The following PTGER3 variants were observed in gnomAD, a reference collection of about 807,000 sequenced individuals.
PTGER3 encodes the protein prostaglandin E receptor 3, also known as prostaglandin E2 receptor EP3 subtype.
A neutral mutation model predicts 34.7 loss-of-function variants in PTGER3; 22 were observed. That is an observed-to-expected ratio of 0.63 (90% CI 0.45 to 0.91). The LOEUF (loss-of-function observed/expected upper bound fraction) is 0.91. Among genes scored for constraint, PTGER3 ranks in the 40% least tolerant of loss-of-function variants. The pLI is 0.00. For missense variants in PTGER3, 468 were observed against 519.4 expected, an observed-to-expected ratio of 0.90 and a Z score of 0.96; for synonymous variants, 241 against 230.1, an observed-to-expected ratio of 1.05 and a Z score of -0.43.
intron 2 of PTGER3, among the ~76,000 whole-genome samples, chr1:70,974,725 G>A (rs1178918701): frequency 4.6e-5 from 7 of 152,120 alleles, no homozygotes; most frequent in Admixed American, 1.3e-4. Context: ...ATTATTTTTC[G>A]TGATTTCCCA....
chr1:70,855,029 T>C (rs1645769193), intron 4 of PTGER3, among the ~76,000 whole-genome samples: 2 of 152,198 alleles, frequency 1.3e-5, no homozygotes, highest in Non-Finnish European at 2.9e-5. Context: ...ATATCCATGT[T>C]CATTACAGCA....
At position 71,005,375 on chromosome 1, in the gene PTGER3, G is replaced by A. The variant is rs145159819; in HGVS notation, c.1077+6930C>T. Among the ~76,000 whole-genome samples, 27 of 152,304 alleles carry A rather than the reference G, an allele frequency of 1.8e-4. No individual in the cohort carries two copies. In the East Asian group the frequency reaches 4.8e-3, roughly 27 times the overall value. On this transcript the variant is annotated intron_variant, in intron 2 of 3. Transcript: ENST00000306666. ...GTGAAGTGAAAAAATATCCTACAAT[G>A]TCCTTCCTTTACAGGTTAACACCTA...
intron 4 of PTGER3, among the ~76,000 whole-genome samples, chr1:70,902,104 A>G (rs1321522484): frequency 6.6e-6 from 1 of 152,186 alleles, no homozygotes; most frequent in Non-Finnish European, 1.5e-5. Context: ...ACCTTCCTTA[A>G]AAAAGGAAGA....
chr1:70,949,895 T>G (rs371447329), downstream of PTGER3, among the ~76,000 whole-genome samples: 3 of 152,116 alleles, frequency 2.0e-5, no homozygotes, highest in African/African-American at 4.8e-5. Flanking sequence ...GATTAGACAC[T>G]GGGAATATGG....
At chr1:70,874,139 T>C (rs1557620767) in intron 4 of PTGER3, among the ~76,000 whole-genome samples, 1 of 152,196 alleles carries the variant, frequency 6.6e-6, no homozygotes, top group Non-Finnish European at 1.5e-5. Context: ...AGTATTTGTT[T>C]TTCTTCAATG....
intron 1 of PTGER3, among the ~76,000 whole-genome samples, chr1:71,046,430 A>G (rs1479091486): frequency 6.6e-6 from 1 of 152,170 alleles, no homozygotes; most frequent in Non-Finnish European, 1.5e-5. Flanking sequence ...CTAGAATGTG[A>G]GCAGCCCTGT....
At chr1:70,992,698 C>A (rs1655584727) in intron 2 of PTGER3, among the ~76,000 whole-genome samples, 1 of 152,164 alleles carries the variant, frequency 6.6e-6, no homozygotes, top group East Asian at 1.9e-4. Flanking sequence ...AACACTTGAG[C>A]AACCAAGGAC....
intron 4 of PTGER3, among the ~76,000 whole-genome samples, chr1:70,909,143 G>C (rs1647009939): frequency 6.6e-6 from 1 of 152,164 alleles, no homozygotes; most frequent in Non-Finnish European, 1.5e-5. Flanking sequence ...AAAATATTTA[G>C]AGCTACTATA....
intron 4 of PTGER3, among the ~76,000 whole-genome samples, chr1:70,880,507 T>C (rs957697437): frequency 6.6e-6 from 1 of 151,360 alleles, no homozygotes; most frequent in African/African-American, 2.4e-5. Flanking sequence ...CTGGCCAACA[T>C]GGTGAAACCC....
At chr1:71,036,075 T>C (rs1339434125) in intron 1 of PTGER3, among the ~76,000 whole-genome samples, 3 of 152,328 alleles carry the variant, frequency 2.0e-5, no homozygotes, top group South Asian at 2.1e-4. Flanking sequence ...ACAAATTACA[T>C]TGGAGCAGAA....
At chr1:70,894,181 C>T (rs1312393929) in intron 4 of PTGER3, among the ~76,000 whole-genome samples, 2 of 151,690 alleles carry the variant, frequency 1.3e-5, no homozygotes, top group African/African-American at 4.8e-5. Context: ...TGGTGGTGGG[C>T]ACCTGTAATC....
chr1:70,863,113 T>G (rs1445572818), intron 4 of PTGER3, among the ~76,000 whole-genome samples: 1 of 151,862 alleles, frequency 6.6e-6, no homozygotes, highest in African/African-American at 2.4e-5. Context: ...GGCCATAACA[T>G]GAGCTACAGT....
intron 4 of PTGER3, among the ~76,000 whole-genome samples, chr1:70,853,515 A>G (rs1038443339): frequency 6.6e-6 from 1 of 152,184 alleles, no homozygotes; most frequent in Non-Finnish European, 1.5e-5. Context: ...CAGAAAACAC[A>G]TTTTTGAGAA....
At chr1:70,865,422 G>A (rs1423238812) in intron 4 of PTGER3, among the ~76,000 whole-genome samples, 1 of 152,152 alleles carries the variant, frequency 6.6e-6, no homozygotes, top group East Asian at 1.9e-4. Context: ...AAGAGATTAT[G>A]AGGGACCCCT....
At chr1:70,953,159 T>TAGTGA in intron 3 of PTGER3, 1 of 1,028,102 alleles carries the variant, frequency 9.7e-7, no homozygotes, top group Non-Finnish European at 1.3e-6. Flanking sequence ...ATAATCACTA[T>TAGTGA]TTATACAACA....
At position 70,942,435 on chromosome 1, in the gene PTGER3, T is replaced by C. The variant is rs531086109; in HGVS notation, c.*23+11328A>G. On this transcript the variant is annotated intron_variant, in intron 4 of 4. Coordinates refer to the PTGER3 transcript ENST00000370931. ...ATCCTTAATTACCTTTCCAACTTCA[T>C]GTTTTACCAATTTTCAATTCCTCAT... is the stretch of plus-strand genomic sequence containing the variant. Among the ~76,000 whole-genome samples, 4 of 152,316 alleles carry C rather than the reference T, an allele frequency of 2.6e-5. No individual in the cohort carries two copies. The East Asian group carries it at 5.8e-4, about 22-fold the overall frequency.
At chr1:70,919,926 A>T (rs974013065) in intron 4 of PTGER3, among the ~76,000 whole-genome samples, 3 of 152,132 alleles carry the variant, frequency 2.0e-5, no homozygotes, top group Admixed American at 6.6e-5. Flanking sequence ...TAAACATCTT[A>T]CCAAAAGTAT....
At chr1:70,951,990 A>G (rs181705340), downstream of PTGER3, among the ~76,000 whole-genome samples, 1 of 152,262 alleles carries the variant, frequency 6.6e-6, no homozygotes, top group African/African-American at 2.4e-5. Context: ...GAGCTGTAGC[A>G]TGCAGGAGGT....
chr1:70,908,178 T>A (rs1646989242), intron 4 of PTGER3, among the ~76,000 whole-genome samples: 1 of 152,132 alleles, frequency 6.6e-6, no homozygotes, highest in African/African-American at 2.4e-5. Flanking sequence ...AGGCAAGGTG[T>A]CCCCGAGGAG....
Sources: gnomAD v4.1 joint callset for allele counts (sites outside exome capture counted in the v4.1 genomes callset) on GRCh38, gnomAD v4.1.1 for gene constraint, MANE v1.5 for transcripts, NCBI Gene and HGNC (gene_info 2026-07-23, HGNC 2026-07-21) for gene names.